The following PTPRD variants were observed in gnomAD, a reference collection of about 807,000 sequenced individuals.
The protein encoded by PTPRD is receptor-type tyrosine-protein phosphatase delta.
A neutral mutation model predicts 214.5 loss-of-function variants in PTPRD; 34 were observed. That is an observed-to-expected ratio of 0.16 (90% CI 0.12 to 0.21). The LOEUF (loss-of-function observed/expected upper bound fraction) is 0.21, where lower values mean the gene tolerates loss of function less well. PTPRD is among the 10% of genes least tolerant of loss of function. The pLI, the probability that PTPRD is intolerant of heterozygous loss-of-function variation, is 1.00. For missense variants in PTPRD, 2,545 were observed against 2,398.7 expected (o/e 1.06, Z -1.27); for synonymous variants, 1,128 against 845.7 (o/e 1.33, Z -5.79).
intron 2 of PTPRD, among the ~76,000 whole-genome samples, chr9:10,554,707 C>G (rs370392531): frequency 4.6e-5 from 7 of 152,008 alleles, no homozygotes; most frequent in Non-Finnish European, 8.8e-5. Context: ...GTCGCTCAGA[C>G]TGGACTGCAG....
intron 14 of PTPRD, among the ~76,000 whole-genome samples, chr9:8,561,775 A>G (rs1472251038): frequency 6.7e-6 from 1 of 149,376 alleles, no homozygotes; most frequent in Non-Finnish European, 1.5e-5. Flanking sequence ...TCCATTCAGG[A>G]GCAGTGTTGG....
In PTPRD at chr9:8,567,958, T is replaced by C. The variant is rs549661459; in HGVS notation, c.353-39179A>G. On this transcript the variant is annotated intron_variant, in intron 14 of 45. Transcript: ENST00000381196. The stretch of plus-strand genomic sequence containing the variant: ...AAAATATTAAAGTCATCACTATGAA[T>C]ATATATTTAGAAATGAGACCTTATT... Among the ~76,000 whole-genome samples the C allele has an allele frequency of 2.1e-4, 32 of 152,260 alleles. No individual in the cohort carries two copies. In the South Asian group the frequency reaches 6.4e-3, roughly 31 times the overall value.
At chr9:10,178,865 G>C (rs2099265052) in intron 3 of PTPRD, among the ~76,000 whole-genome samples, 1 of 151,838 alleles carries the variant, frequency 6.6e-6, no homozygotes, top group South Asian at 2.1e-4. Context: ...GGGATAAAAT[G>C]TCCCGGTTGA....
chr9:8,630,711 C>G (rs1414688196), intron 14 of PTPRD, among the ~76,000 whole-genome samples: 1 of 151,806 alleles, frequency 6.6e-6, no homozygotes, highest in African/African-American at 2.4e-5. Flanking sequence ...CCATATTAAA[C>G]ATTTTTGATG....
intron 39 of PTPRD, among the ~76,000 whole-genome samples, chr9:8,362,243 G>C (rs957767145): frequency 1.3e-5 from 2 of 152,288 alleles, no homozygotes; most frequent in Non-Finnish European, 2.9e-5. Context: ...TACATTCACA[G>C]AGCTCCTTAC....
At chr9:9,816,381 C>T (rs969454935) in intron 5 of PTPRD, among the ~76,000 whole-genome samples, 2 of 151,958 alleles carry the variant, frequency 1.3e-5, no homozygotes, top group Non-Finnish European at 2.9e-5. Context: ...ACCACATTAT[C>T]GATTTAATAA....
chr9:9,494,733 T>G (rs1310412200), intron 8 of PTPRD, among the ~76,000 whole-genome samples: 1 of 152,214 alleles, frequency 6.6e-6, no homozygotes, highest in African/African-American at 2.4e-5. Flanking sequence ...AATGTCGATA[T>G]GACCCAAAGT....
intron 5 of PTPRD, among the ~76,000 whole-genome samples, chr9:9,823,024 T>C (rs2051334473): frequency 6.6e-6 from 1 of 152,162 alleles, no homozygotes; most frequent in African/African-American, 2.4e-5. Context: ...CTCTCCAATT[T>C]ATTGCAGCAC....
intron 5 of PTPRD, among the ~76,000 whole-genome samples, chr9:9,866,067 C>T (rs7341699): frequency 0.084 from 12,837 of 152,144 alleles, 1,285 homozygotes; most frequent in African/African-American, 0.24. Flanking sequence ...CTTATAAACA[C>T]GGTTATGTGC....
chr9:8,804,678 TG>T (rs1483447077), intron 11 of PTPRD, among the ~76,000 whole-genome samples: 1 of 143,296 alleles, frequency 7.0e-6, no homozygotes, highest in African/African-American at 2.6e-5. Context: ...ACGTGTGGCA[TG>T]AACTTTTTCT....
At chr9:9,160,063 A>T (rs953830357) in intron 10 of PTPRD, among the ~76,000 whole-genome samples, 1 of 152,152 alleles carries the variant, frequency 6.6e-6, no homozygotes, top group Non-Finnish European at 1.5e-5. Context: ...AAAATGGATT[A>T]AAGATTTAAA....
At chr9:9,184,290 C>T (rs1437793065) in intron 9 of PTPRD, among the ~76,000 whole-genome samples, 1 of 152,036 alleles carries the variant, frequency 6.6e-6, no homozygotes, top group East Asian at 1.9e-4. Context: ...TTCCCTTTTC[C>T]TTCTGTTACA....
chr9:9,078,032 A>C (rs996276055), intron 10 of PTPRD, among the ~76,000 whole-genome samples: 4 of 152,076 alleles, frequency 2.6e-5, no homozygotes, highest in Non-Finnish European at 5.9e-5. Context: ...TTCTATACAG[A>C]TATTTTCAAG....
chr9:8,957,997 C>T (rs568010800), intron 11 of PTPRD, among the ~76,000 whole-genome samples: 5 of 151,818 alleles, frequency 3.3e-5, no homozygotes, highest in African/African-American at 1.2e-4. Context: ...AAAGTAATAC[C>T]TTAGCAGGGG....
chr9:8,927,503 C>A (rs2154277236), intron 11 of PTPRD, among the ~76,000 whole-genome samples: 1 of 152,264 alleles, frequency 6.6e-6, no homozygotes, highest in East Asian at 1.9e-4. Context: ...ATGATGGTTT[C>A]CAGCTTCATC....
intron 2 of PTPRD, among the ~76,000 whole-genome samples, chr9:10,483,823 G>A (rs980861087): frequency 1.4e-4 from 21 of 152,064 alleles, no homozygotes; most frequent in African/African-American, 4.1e-4. Flanking sequence ...ACACACTGCC[G>A]GTGAGAATGT....
intron 3 of PTPRD, among the ~76,000 whole-genome samples, chr9:10,195,827 A>G (rs2099395879): frequency 6.6e-6 from 1 of 152,228 alleles, no homozygotes; most frequent in South Asian, 2.1e-4. Context: ...ACAAATAAAA[A>G]GAGACAAACT....
At chr9:9,331,512 G>T (rs2042306744) in intron 9 of PTPRD, among the ~76,000 whole-genome samples, 1 of 151,980 alleles carries the variant, frequency 6.6e-6, no homozygotes, top group Non-Finnish European at 1.5e-5. Context: ...TCCCTTAAAA[G>T]GAAGTATTGT....
intron 3 of PTPRD, among the ~76,000 whole-genome samples, chr9:10,148,952 G>T (rs920631722): frequency 1.3e-5 from 2 of 152,180 alleles, no homozygotes; most frequent in Non-Finnish European, 2.9e-5. Context: ...GTAGCAGAGA[G>T]TGTGATATGT....
Sources: gnomAD v4.1 joint callset for allele counts (sites outside exome capture counted in the v4.1 genomes callset) on GRCh38, gnomAD v4.1.1 for gene constraint, MANE v1.5 for transcripts, NCBI Gene and HGNC (gene_info 2026-07-23, HGNC 2026-07-21) for gene names.